The following TET3 variants were observed in gnomAD, a reference collection of about 807,000 sequenced individuals.
TET3 encodes the protein methylcytosine dioxygenase TET3.
Under a neutral mutation model 141.4 loss-of-function variants are expected in TET3, and 19 were observed. That is an observed-to-expected ratio of 0.13 (90% CI 0.09 to 0.20). The LOEUF (loss-of-function observed/expected upper bound fraction) is 0.20, where lower values mean the gene tolerates loss of function less well. Ranked by LOEUF, TET3 falls within the 10% of genes least tolerant of loss-of-function variation. The probability of loss-of-function intolerance (pLI) is 1.00; values close to 1 mark genes in which losing one functional copy is unlikely to be tolerated. For synonymous variants in TET3, 1,043 were observed against 980.9 expected (o/e 1.06, Z -1.18); for missense variants, 1,874 against 2,356.9 (o/e 0.80, Z 4.24).
rs563323014 is a variant in TET3 at position 74,099,839 on chromosome 2, ACTGGGTTT to A, written c.3604+230_3604+237del. Among the ~76,000 whole-genome samples, 17 of 152,262 alleles carry A rather than the reference ACTGGGTTT, an allele frequency of 1.1e-4. No individual in the cohort carries two copies. The East Asian group carries it at 3.3e-3, about 29-fold the overall frequency. On this transcript the variant is annotated intron_variant, in intron 11 of 11. Coordinates refer to ENST00000409262, the MANE Select transcript of TET3 (RefSeq NM_001287491.2). Reference sequence around the variant, plus strand: ...GAAGTGAGCTTGGTAGAGGGGAAGCACTGGGTTTCTCCTCTAGTTTGCATCCCTCAGAG... The same window carrying A: ...GAAGTGAGCTTGGTAGAGGGGAAGCACTCCTCTAGTTTGCATCCCTCAGAG...
At chr2:74,128,991 T>TG in the TET3 span, among the ~76,000 whole-genome samples, 1 of 51,176 alleles carries the variant, frequency 2.0e-5, no homozygotes, top group Non-Finnish European at 3.0e-5. Context: ...CTGTCTCAAT[T>TG]TAAAAAAAAA....
In TET3 at chr2:74,017,961, CTTTTTTTTTT is replaced by C. The variant is rs35319685; in HGVS notation, c.360+14809_360+14818del. On this transcript the variant is annotated intron_variant, in intron 3 of 11. Transcript: ENST00000409262. ...GGATAAGATGAAACCTCTTCTGTCTCTTTTTTTTTTTTTTTTTTTTTTTGAGACGGAGTTT... is the reference window on the plus strand; with the variant it reads ...GGATAAGATGAAACCTCTTCTGTCTCTTTTTTTTTTTTTGAGACGGAGTTT... Among the ~76,000 whole-genome samples the C allele has an allele frequency of 2.5e-4, 24 of 97,216 alleles. No individual in the cohort carries two copies. In the South Asian group the frequency reaches 5.0e-3, roughly 20 times the overall value. 63.8% of individuals were successfully genotyped at this position (97,216 alleles called of 152,430 possible). A position where few individuals can be genotyped will look rare whatever the true frequency, so the allele number is the denominator to read the frequency against.
chr2:74,070,052 A>G (rs1453015507), intron 4 of TET3, among the ~76,000 whole-genome samples: 4 of 152,160 alleles, frequency 2.6e-5, no homozygotes, highest in Admixed American at 1.3e-4. Flanking sequence ...ACTGTCTGCA[A>G]TTTCATATTT....
At chr2:74,097,918 G>T (rs999219326) in intron 10 of TET3, among the ~76,000 whole-genome samples, 22 of 152,034 alleles carry the variant, frequency 1.4e-4, no homozygotes, top group African/African-American at 5.3e-4. Context: ...GCCTCTCTGG[G>T]ATCAAGACCC....
At chr2:74,074,202 A>G (rs1354495182) in intron 5 of TET3, among the ~76,000 whole-genome samples, 1 of 152,188 alleles carries the variant, frequency 6.6e-6, no homozygotes. Flanking sequence ...TCATATGACA[A>G]GATATCCTGG....
At chr2:74,126,705 G>A in the TET3 span, among the ~76,000 whole-genome samples, 5,348 of 151,846 alleles carry the variant, frequency 0.035, 312 homozygotes, top group African/African-American at 0.12. Context: ...GGGTTTCATC[G>A]TGTTAGCCAG....
chr2:74,046,796 G>A lies in TET3; in HGVS notation c.879G>A (p.Val293=), dbSNP rs375792236. 1,210 of 1,613,308 alleles carry A rather than the reference G, an allele frequency of 7.5e-4. No individual in the cohort carries two copies. The highest frequency in any genetic ancestry group is 9.9e-4 in the Non-Finnish European group (1,171 of 1,179,876). The change falls in exon 4 of 12, where the codon GTG becomes GTA. Residue 293 remains valine (V), a synonymous_variant. Transcript: ENST00000409262. This position sits in a 1 kb window ranked among gnomAD's most constrained non-coding sequence, Gnocchi z 4.3. ...GGCTGGAGGGGAAGATCAAGTCTGT[G>A]GTCATGGAAGGAGGGGAGGAGCGGC... The part of the protein sequence containing the change: ...LEWLEGKIKS[V]VMEGGEERPR...
At chr2:74,008,885 G>A (rs1269730873) in intron 3 of TET3, among the ~76,000 whole-genome samples, 1 of 152,070 alleles carries the variant, frequency 6.6e-6, no homozygotes, top group Non-Finnish European at 1.5e-5. Context: ...GAACTTTTAC[G>A]CCCTTGGTGC....
chr2:74,012,516 C>G (rs1395883363), intron 3 of TET3, among the ~76,000 whole-genome samples: 1 of 152,204 alleles, frequency 6.6e-6, no homozygotes, highest in African/African-American at 2.4e-5. Flanking sequence ...CCCCACCTTT[C>G]AGAAAGGAAA....
chr2:74,090,022 G>A lies in TET3; in HGVS notation c.3014G>A (p.Arg1005His). 1.9e-6 allele frequency: 3 copies of A among 1,614,032 alleles called. No homozygotes were observed. The highest frequency in any genetic ancestry group is 8.5e-7 in the Non-Finnish European group (1 of 1,179,892). Residue 1005 changes from arginine to histidine, a missense_variant, in exon 8 of 12, where the codon CGC (arginine) becomes CAC (histidine). By Grantham distance (29) the Arg-to-His change is conservative. Around this residue, in one of 10 missense-constraint regions of TET3, gnomAD observed 126 missense variants for 327.4 expected, o/e 0.38. Coordinates refer to ENST00000409262, the MANE Select transcript of TET3 (RefSeq NM_001287491.2). ...CGGAGCAAGACACCTCGCAAGTTCC[G>A]CCTCGCAGGGGACAATCCCAAAGAG... is the stretch of plus-strand genomic sequence containing the variant. Reference protein sequence around the residue: ...YARSKTPRKFRLAGDNPKEEE... With the variant: ...YARSKTPRKFHLAGDNPKEEE...
Position 74,054,765 on chromosome 2 carries a change from G to A in TET3, c.2494+6354G>A, listed in dbSNP as rs1466418470. 2.6e-5 allele frequency among the ~76,000 whole-genome samples: 4 copies of A among 152,350 alleles called. No homozygotes were observed. The East Asian group carries it at 7.7e-4, about 29-fold the overall frequency. ...AGTTTCAAGGTCGGGAGGGCTAACAGCATCAGAAAAGAAGGGTTAGGATTT... is the reference window on the plus strand; with the variant it reads ...AGTTTCAAGGTCGGGAGGGCTAACAACATCAGAAAAGAAGGGTTAGGATTT... On this transcript the variant is annotated intron_variant, in intron 4 of 11. Transcript: ENST00000409262.
chr2:73,994,299 C>A lies in TET3; in HGVS notation c.303+7593C>A, dbSNP rs150047890. 1.8e-4 allele frequency among the ~76,000 whole-genome samples: 28 copies of A among 152,262 alleles called. No homozygotes were observed. The East Asian group carries it at 5.4e-3, about 29-fold the overall frequency. ...CTGCTGATGAGTAGAGGAACACAGG[C>A]TCAGGCAAAGCTTGTATGAAGAAGA... On this transcript the variant is annotated intron_variant, in intron 2 of 11. Coordinates refer to ENST00000409262, the MANE Select transcript of TET3 (RefSeq NM_001287491.2).
At chr2:73,991,089 G>A (rs184014106) in intron 2 of TET3, among the ~76,000 whole-genome samples, 42 of 151,944 alleles carry the variant, frequency 2.8e-4, no homozygotes, top group African/African-American at 5.3e-4. Context: ...GATTACAGGC[G>A]TGAGTCACCG....
chr2:74,020,077 T>C (rs1245350164), intron 3 of TET3, among the ~76,000 whole-genome samples: 3 of 152,194 alleles, frequency 2.0e-5, no homozygotes, highest in African/African-American at 7.2e-5. Flanking sequence ...TGGTAGTGCC[T>C]TTCTTTTTTC....
At chr2:74,089,597 G>A (rs943625587) in intron 7 of TET3, among the ~76,000 whole-genome samples, 3 of 152,182 alleles carry the variant, frequency 2.0e-5, no homozygotes, top group Non-Finnish European at 1.5e-5. Context: ...AAGTATAAAC[G>A]TTAATGGGTT....
chr2:74,134,223 G>A, the TET3 span, among the ~76,000 whole-genome samples: 2 of 152,078 alleles, frequency 1.3e-5, no homozygotes, highest in South Asian at 2.1e-4. Context: ...CCTGAAAGCC[G>A]TCCCTGGGGT....
chr2:74,123,492 C>G, the TET3 span, among the ~76,000 whole-genome samples: 1 of 152,158 alleles, frequency 6.6e-6, no homozygotes, highest in Non-Finnish European at 1.5e-5. Context: ...GTGGGCGGAA[C>G]CGACCAAGAA....
intron 4 of TET3, among the ~76,000 whole-genome samples, chr2:74,063,662 AGTT>A (rs1212178092): frequency 6.6e-6 from 1 of 152,100 alleles, no homozygotes; most frequent in South Asian, 2.1e-4. Context: ...GGGGGAGATG[AGTT>A]GTTCAGTGGG....
the TET3 span, among the ~76,000 whole-genome samples, chr2:74,120,312 C>A: frequency 1.3e-5 from 2 of 152,260 alleles, no homozygotes; most frequent in Non-Finnish European, 2.9e-5. Context: ...AGGGGGCGAC[C>A]TCTCGGCAAG....
Sources: allele counts gnomAD v4.1 joint callset (sites outside exome capture counted in the v4.1 genomes callset), GRCh38; gene constraint gnomAD v4.1.1; regional missense constraint gnomAD v4.1.1; non-coding constraint Gnocchi (gnomAD v3.1); transcripts MANE v1.5; gene names NCBI Gene and HGNC (gene_info 2026-07-23, HGNC 2026-07-21).